LRP5: variants seen among roughly 807,000 people sequenced by gnomAD.
LRP5 encodes LDL receptor related protein 5, also known as low-density lipoprotein receptor-related protein 5.
A neutral mutation model predicts 154.1 loss-of-function variants in LRP5; 62 were observed. The ratio of observed to expected loss-of-function variants is 0.40; its 90% CI spans 0.33 to 0.50. LRP5 has a LOEUF of 0.50. LRP5 is among the 20% of genes least tolerant of loss of function. LRP5 has a pLI of 0.55. For missense variants in LRP5, 1,915 were observed against 2,336.7 expected (o/e 0.82, Z 3.72); for synonymous variants, 966 against 1,011.5 (o/e 0.96, Z 0.85).
In LRP5 at chr11:68,406,675, C is replaced by T; in HGVS notation, c.1953C>T (p.Ser651=). The stretch of plus-strand genomic sequence containing the variant: ...CTGAGGCCTTCTTGGTCTTCACCAG[C>T]AGAGCCGCCATCCACAGGATCTCCC... ...IVPEAFLVFT[S]RAAIHRISLE... Residue 651 remains serine, a synonymous_variant, in exon 9 of 23, where the codon AGC becomes AGT. Coordinates refer to ENST00000294304, the MANE Select transcript of LRP5 (RefSeq NM_002335.4). The T allele has an allele frequency of 6.2e-7, 1 of 1,614,198 alleles. No homozygotes were observed. The highest frequency in any genetic ancestry group is 8.5e-7 in the Non-Finnish European group (1 of 1,180,046).
intron 2 of LRP5, among the ~76,000 whole-genome samples, chr11:68,351,591 C>T (rs906965270): frequency 6.6e-5 from 10 of 152,280 alleles, no homozygotes; most frequent in African/African-American, 1.2e-4. Flanking sequence ...CCTGTCATTG[C>T]GTTCCCTCCC....
At chr11:68,384,831 G>A (rs1173730291) in intron 5 of LRP5, among the ~76,000 whole-genome samples, 2 of 152,178 alleles carry the variant, frequency 1.3e-5, no homozygotes. Flanking sequence ...AAGGTTGGGG[G>A]GTCTCCGTGC....
At chr11:68,428,521 A>T (rs2153175591) in intron 16 of LRP5, among the ~76,000 whole-genome samples, 1 of 151,942 alleles carries the variant, frequency 6.6e-6, no homozygotes, top group Non-Finnish European at 1.5e-5. Context: ...ACACTTGTGG[A>T]TGCGCCGCCT....
intron 1 of LRP5, among the ~76,000 whole-genome samples, chr11:68,329,247 C>G (rs1255268653): frequency 6.6e-6 from 1 of 152,216 alleles, no homozygotes; most frequent in Admixed American, 6.5e-5. Flanking sequence ...ACTTCATAGA[C>G]AAAAATAGCT....
intron 17 of LRP5, among the ~76,000 whole-genome samples, chr11:68,430,313 A>G (rs1190846572): frequency 6.6e-6 from 1 of 152,182 alleles, no homozygotes; most frequent in Non-Finnish European, 1.5e-5. Flanking sequence ...AGCTGGGATT[A>G]CAGGTGCACG....
At chr11:68,419,710 T>C (rs1260914406) in intron 13 of LRP5, among the ~76,000 whole-genome samples, 1 of 151,866 alleles carries the variant, frequency 6.6e-6, no homozygotes, top group Non-Finnish European at 1.5e-5. Context: ...GCCTGGCTAA[T>C]TTTTGTATTT....
At chr11:68,418,980 A>G (rs568538831) in intron 13 of LRP5, among the ~76,000 whole-genome samples, 30 of 152,298 alleles carry the variant, frequency 2.0e-4, no homozygotes, top group African/African-American at 6.5e-4. Flanking sequence ...GACTTGGAAG[A>G]AAACCCAGAA....
At chr11:68,355,859 G>A (rs1383605044) in intron 2 of LRP5, among the ~76,000 whole-genome samples, 1 of 150,640 alleles carries the variant, frequency 6.6e-6, no homozygotes, top group Non-Finnish European at 1.5e-5. Context: ...TTTTTTTTTT[G>A]AGACGGAGTG....
intron 17 of LRP5, among the ~76,000 whole-genome samples, chr11:68,431,052 G>C (rs887436201): frequency 6.6e-6 from 1 of 151,944 alleles, no homozygotes; most frequent in African/African-American, 2.4e-5. Flanking sequence ...GTAATAAAGT[G>C]ACCATCTGTA....
chr11:68,427,674 C>T (rs1279154994), intron 16 of LRP5, among the ~76,000 whole-genome samples: 2 of 150,392 alleles, frequency 1.3e-5, no homozygotes, highest in African/African-American at 2.4e-5. Flanking sequence ...AGTGAGACTC[C>T]GTCTCAAAAA....
At position 68,386,749 on chromosome 11, in the gene LRP5, C is replaced by A; in HGVS notation, c.1412+37C>A. ...GGGGGCTGGGGCCTGGAGCCAGGGC[C>A]AGGCCAAGCACAGGCGAGAGGGAGA... is the stretch of plus-strand genomic sequence containing the variant. On this transcript the variant is annotated intron_variant, in intron 6 of 22. Coordinates refer to ENST00000294304, the MANE Select transcript of LRP5 (RefSeq NM_002335.4). This position sits in a 1 kb window ranked among gnomAD's most constrained non-coding sequence, Gnocchi z 7.9. 1.9e-6 allele frequency: 3 copies of A among 1,600,218 alleles called. No homozygotes were observed. Among genetic ancestry groups the A allele is most frequent in the Non-Finnish European group, 2.6e-6 (3 of 1,172,948 alleles).
intron 1 of LRP5, among the ~76,000 whole-genome samples, chr11:68,319,463 CCTCAGCCTCCCAA>C (rs896106424): frequency 2.6e-5 from 4 of 152,324 alleles, no homozygotes; most frequent in African/African-American, 9.6e-5. Flanking sequence ...GATCCTCCCA[CCTCAGCCTCCCAA>C]AGTGTTGGGA....
At chr11:68,306,989 A>T in the LRP5 span, among the ~76,000 whole-genome samples, 1 of 152,222 alleles carries the variant, frequency 6.6e-6, no homozygotes, top group Non-Finnish European at 1.5e-5. Flanking sequence ...GTGCTTTAAA[A>T]TTAAGGTATA....
intron 1 of LRP5, among the ~76,000 whole-genome samples, chr11:68,325,279 A>G (rs2098598993): frequency 1.3e-5 from 2 of 152,220 alleles, no homozygotes; most frequent in South Asian, 2.1e-4. Flanking sequence ...TTGGCAGAGC[A>G]GGATGAAAGG....
In LRP5 at chr11:68,413,958, C is replaced by CGCTGCG; in HGVS notation, c.2780_2785dup (p.Gly927_Cys928dup). On this transcript the variant is annotated inframe_insertion, in exon 12 of 23. Transcript: ENST00000294304. This position sits in a 1 kb window ranked among gnomAD's most constrained non-coding sequence, Gnocchi z 5.1. The stretch of plus-strand genomic sequence containing the variant: ...GTGCCTTGCCATCCCCGGCGGCCAC[C>CGCTGCG]GCTGCGGCTGCGCCTCACACTACAC... 2 of 1,608,302 alleles carry CGCTGCG rather than the reference C, an allele frequency of 1.2e-6. No individual in the cohort carries two copies. The highest frequency in any genetic ancestry group is 1.7e-6 in the Non-Finnish European group (2 of 1,179,988).
chr11:68,311,754 G>T (rs1380867324), upstream of LRP5, among the ~76,000 whole-genome samples: 1 of 152,256 alleles, frequency 6.6e-6, no homozygotes, highest in Non-Finnish European at 1.5e-5. Flanking sequence ...TACAAAGGAG[G>T]AAAGAGTGCG....
chr11:68,307,186 A>C, the LRP5 span, among the ~76,000 whole-genome samples: 1 of 151,950 alleles, frequency 6.6e-6, no homozygotes, highest in African/African-American at 2.4e-5. Flanking sequence ...GCAACTCAAA[A>C]AAAAAAGGTA....
Position 68,347,976 on chromosome 11 carries a change from A to G in LRP5, c.221A>G (p.Lys74Arg), listed in dbSNP as rs1026656669. ...DAAAVDFQFS[K>R]GAVYWTDVSE... ...GCCGCAGTGGACTTCCAGTTTTCCA[A>G]GGGAGCCGTGTACTGGACAGACGTG... Residue 74 changes from lysine to arginine, a missense_variant, in exon 2 of 23, where the codon AAG becomes AGG. Physicochemically the swap from Lys to Arg is conservative, Grantham distance 26. Around this residue, in one of 3 missense-constraint regions of LRP5, gnomAD observed 773 missense variants for 1,100.9 expected, o/e 0.70. Coordinates refer to ENST00000294304, the MANE Select transcript of LRP5 (RefSeq NM_002335.4). 3 of 1,614,124 alleles carry G rather than the reference A, an allele frequency of 1.9e-6. No individual in the cohort carries two copies. The highest frequency in any genetic ancestry group is 1.7e-5 in the Admixed American group (1 of 60,014).
At chr11:68,398,880 G>A (rs1161411258) in intron 7 of LRP5, among the ~76,000 whole-genome samples, 1 of 152,066 alleles carries the variant, frequency 6.6e-6, no homozygotes, top group Non-Finnish European at 1.5e-5. Flanking sequence ...GACTACGGGT[G>A]TGTGCCACCA....
Sources: gnomAD v4.1 joint callset for allele counts (sites outside exome capture counted in the v4.1 genomes callset) on GRCh38, gnomAD v4.1.1 for gene constraint, gnomAD v4.1.1 regional missense constraint, Gnocchi (gnomAD v3.1) non-coding constraint, MANE v1.5 for transcripts, NCBI Gene and HGNC (gene_info 2026-07-23, HGNC 2026-07-21) for gene names.